SV2C: variants seen among roughly 807,000 people sequenced by gnomAD.
SV2C encodes synaptic vesicle glycoprotein 2C, also known as solute carrier family 22 member B3.
SV2C carries 49 observed loss-of-function variants against 79.7 expected under a neutral mutation model. The ratio of observed to expected loss-of-function variants is 0.61; its 90% confidence interval spans 0.49 to 0.78. The LOEUF is 0.78. Among genes scored for constraint, SV2C ranks in the 30% least tolerant of loss-of-function variants. The pLI, the probability that SV2C is intolerant of heterozygous loss-of-function variation, is 0.00. For synonymous variants in SV2C, 334 were observed against 333.2 expected, an observed-to-expected ratio of 1.00 and a Z score of -0.03; for missense variants, 833 against 912.9, an observed-to-expected ratio of 0.91 and a Z score of 1.13.
the SV2C span, among the ~76,000 whole-genome samples, chr5:75,895,835 A>G: frequency 1.3e-5 from 2 of 152,130 alleles, no homozygotes; most frequent in Admixed American, 6.6e-5. Flanking sequence ...TTAATGTTGC[A>G]TTTAAAAATA....
At chr5:76,042,863 C>A in the SV2C span, among the ~76,000 whole-genome samples, 1 of 152,174 alleles carries the variant, frequency 6.6e-6, no homozygotes, top group African/African-American at 2.4e-5. Flanking sequence ...TTCTGACAAT[C>A]GCTGCAGCTG....
chr5:76,249,105 A>G (rs938554599), intron 4 of SV2C, among the ~76,000 whole-genome samples: 82 of 152,182 alleles, frequency 5.4e-4, no homozygotes, highest in African/African-American at 2.0e-3. Flanking sequence ...GAAAAGTAAA[A>G]TTCTAGATCC....
intron 2 of SV2C, among the ~76,000 whole-genome samples, chr5:76,172,285 A>AG (rs1743317262): frequency 2.2e-5 from 1 of 44,688 alleles, no homozygotes; most frequent in Non-Finnish European, 4.7e-5. Context: ...TCCGGGAGGG[A>AG]GGTGGGGGGG....
intron 4 of SV2C, among the ~76,000 whole-genome samples, chr5:76,246,909 G>A (rs565941151): frequency 3.9e-5 from 6 of 152,294 alleles, no homozygotes; most frequent in African/African-American, 1.4e-4. Flanking sequence ...GCCTAAGTTA[G>A]TGGAATACTC....
chr5:76,120,580 A>G (rs1358782620), intron 1 of SV2C, among the ~76,000 whole-genome samples: 2 of 128,384 alleles, frequency 1.6e-5, no homozygotes, highest in East Asian at 4.6e-4. Flanking sequence ...ATGTGTTCTC[A>G]TTGTTCAATT....
chr5:75,960,172 G>A, the SV2C span, among the ~76,000 whole-genome samples: 1 of 151,950 alleles, frequency 6.6e-6, no homozygotes, highest in Non-Finnish European at 1.5e-5. Flanking sequence ...AGTATTTTCT[G>A]TAATAACTAT....
chr5:76,217,962 C>T (rs547739198), intron 4 of SV2C, among the ~76,000 whole-genome samples: 11 of 152,196 alleles, frequency 7.2e-5, no homozygotes, highest in Non-Finnish European at 1.6e-4. Context: ...AGTCTGACAA[C>T]TCTAACCTGT....
chr5:76,102,600 A>G (rs1250359818), intron 1 of SV2C, among the ~76,000 whole-genome samples: 3 of 152,224 alleles, frequency 2.0e-5, no homozygotes, highest in African/African-American at 7.2e-5. Flanking sequence ...GAAAGGGCAT[A>G]ATCCCAGAGA....
rs544017072 is a variant in SV2C at position 76,165,151 on chromosome 5, A to AT, written c.581-29761dup. Among the ~76,000 whole-genome samples, 32 of 152,168 alleles carry AT rather than the reference A, an allele frequency of 2.1e-4. 1 individual carries two copies. The highest frequency in any genetic ancestry group is 1.7e-3 in the East Asian group (9 of 5,182). On this transcript the variant is annotated intron_variant, in intron 2 of 12. Coordinates refer to ENST00000502798, the MANE Select transcript of SV2C (RefSeq NM_014979.4). ...GTGTCTGTGTGTTTATGTGTGTGTG[A>AT]TTTTTTTAACAGTTTAAGACTCAAT...
chr5:76,168,585 C>T (rs1330245128), intron 2 of SV2C, among the ~76,000 whole-genome samples: 1 of 152,168 alleles, frequency 6.6e-6, no homozygotes, highest in Non-Finnish European at 1.5e-5. Flanking sequence ...CTCCGGGCCG[C>T]GCTGCATTTC....
In SV2C at chr5:76,291,754, C is replaced by T; in HGVS notation, c.1249-14C>T. ...GTAACTGCATGAGAAAACTAACTCT[C>T]TAATATTTCACAGATTTGGTTGACT... On this transcript the variant is annotated splice_polypyrimidine_tract_variant and intron_variant, in intron 7 of 12. Coordinates refer to ENST00000502798, the MANE Select transcript of SV2C (RefSeq NM_014979.4). 6.3e-7 allele frequency: 1 copy of T among 1,591,308 alleles called. No individual in the cohort carries two copies. Among genetic ancestry groups the T allele is most frequent in the Non-Finnish European group, 8.6e-7 (1 of 1,162,482 alleles).
At chr5:76,338,292 T>C (rs1749366525), downstream of SV2C, among the ~76,000 whole-genome samples, 1 of 152,238 alleles carries the variant, frequency 6.6e-6, no homozygotes, top group African/African-American at 2.4e-5. Flanking sequence ...CTGCCTCCTC[T>C]ACTCCAGAGC....
At chr5:76,130,827 G>C (rs1055250606) in intron 1 of SV2C, among the ~76,000 whole-genome samples, 2 of 152,092 alleles carry the variant, frequency 1.3e-5, no homozygotes, top group African/African-American at 4.8e-5. Context: ...GAGAGAGAGA[G>C]AGTGTGTGTG....
At chr5:76,337,236 T>C (rs1204704857), downstream of SV2C, among the ~76,000 whole-genome samples, 1 of 152,152 alleles carries the variant, frequency 6.6e-6, no homozygotes, top group African/African-American at 2.4e-5. Flanking sequence ...GGCTTGTGCA[T>C]GGCCATCTTC....
Position 76,132,313 on chromosome 5 carries a change from C to T in SV2C, c.563C>T (p.Ser188Leu). The change falls in exon 2 of 13, where the codon TCA (serine) becomes TTA (leucine). Residue 188 changes from serine to leucine, a missense_variant. By Grantham distance (145) the Ser-to-Leu change is moderately radical. Coordinates refer to ENST00000502798, the MANE Select transcript of SV2C (RefSeq NM_014979.4). ...SAETDLCIPN[S>L]GSGWLGSIVY... ...GAGACAGACCTCTGCATCCCAAATT[C>T]AGGATCTGGATGGCTAGGTGAGTGT... is the stretch of plus-strand genomic sequence containing the variant. 6.2e-7 allele frequency: 1 copy of T among 1,611,360 alleles called. No individual in the cohort carries two copies. Among genetic ancestry groups the T allele is most frequent in the Non-Finnish European group, 8.5e-7 (1 of 1,178,294 alleles).
At chr5:76,073,382 C>T in the SV2C span, among the ~76,000 whole-genome samples, 2 of 151,246 alleles carry the variant, frequency 1.3e-5, no homozygotes, top group Non-Finnish European at 3.0e-5. Flanking sequence ...TTTGCTTTGT[C>T]GAAGATTAAT....
intron 12 of SV2C, among the ~76,000 whole-genome samples, chr5:76,347,308 A>G (rs992647778): frequency 5.9e-5 from 9 of 152,160 alleles, no homozygotes; most frequent in African/African-American, 1.7e-4. Flanking sequence ...TGGTCTGGAG[A>G]GGGACTAGGC....
intron 8 of SV2C, among the ~76,000 whole-genome samples, chr5:76,294,104 G>T (rs940046837): frequency 6.6e-6 from 1 of 152,130 alleles, no homozygotes; most frequent in Admixed American, 6.5e-5. Context: ...GGGTTTGTGG[G>T]GGATGATGAT....
intron 4 of SV2C, among the ~76,000 whole-genome samples, chr5:76,227,215 T>C (rs1053920344): frequency 6.6e-6 from 1 of 152,146 alleles, no homozygotes; most frequent in Non-Finnish European, 1.5e-5. Flanking sequence ...GCACAGGGGC[T>C]GGCCAGGCAG....
Sources: allele counts gnomAD v4.1 joint callset (sites outside exome capture counted in the v4.1 genomes callset), GRCh38; gene constraint gnomAD v4.1.1; transcripts MANE v1.5; gene names NCBI Gene and HGNC (gene_info 2026-07-23, HGNC 2026-07-21).